SRPRB: variants seen among roughly 807,000 people sequenced by gnomAD.
SRPRB encodes the protein SRP receptor subunit beta, also known as signal recognition particle receptor subunit beta.
Under a neutral mutation model 31.9 loss-of-function variants are expected in SRPRB, and 20 were observed. The ratio of observed to expected loss-of-function variants is 0.63; its 90% CI spans 0.44 to 0.91. SRPRB has a LOEUF of 0.91. Ranked by LOEUF, SRPRB falls within the 40% of genes least tolerant of loss-of-function variation. The pLI is 0.00. For synonymous variants in SRPRB, 146 were observed against 132.8 expected, an observed-to-expected ratio of 1.10 and a Z score of -0.68; for missense variants, 321 against 324.9, an observed-to-expected ratio of 0.99 and a Z score of 0.09.
chr3:133,801,966 A>G (rs1935068675), upstream of SRPRB, among the ~76,000 whole-genome samples: 6 of 150,268 alleles, frequency 4.0e-5, no homozygotes, highest in Admixed American at 4.0e-4. Context: ...ATGTTAAAGC[A>G]TACGGTTAAG....
At chr3:133,805,218 T>C (rs746469435), upstream of SRPRB, among the ~76,000 whole-genome samples, 5 of 152,188 alleles carry the variant, frequency 3.3e-5, no homozygotes, top group Non-Finnish European at 7.4e-5. Context: ...CAGCCCTAGA[T>C]TGACAGTGTA....
chr3:133,807,701 GTGC>G, intron 2 of SRPRB, 42 bp from the exon 3 acceptor site: 1 of 1,253,540 alleles, frequency 8.0e-7, no homozygotes, highest in East Asian at 2.3e-5. Context: ...CAATTTAGGT[GTGC>G]TATTAAAATG....
In SRPRB at chr3:133,819,826, T is replaced by C. The variant is rs1234079429; in HGVS notation, c.*60T>C. The C allele has an allele frequency of 1.7e-5, 26 of 1,499,186 alleles. No homozygotes were observed. The highest frequency in any genetic ancestry group is 2.8e-5 in the African/African-American group (2 of 72,280). The allele number at this position is 1,499,186 out of a possible 1,614,324, so 92.9% of individuals were successfully genotyped here. The stretch of plus-strand genomic sequence containing the variant: ...ACACACAGTTTTGGAAAAAGGTCTG[T>C]GGTAGTCTGGAGTTGATGAGGAAGG... On this transcript the variant is annotated 3_prime_UTR_variant, in exon 7 of 7. Coordinates refer to ENST00000678299, the MANE Select transcript of SRPRB (RefSeq NM_001379313.1).
At chr3:133,812,694 C>A (rs79830202) in intron 4 of SRPRB, among the ~76,000 whole-genome samples, 7 of 152,182 alleles carry the variant, frequency 4.6e-5, no homozygotes, top group Non-Finnish European at 7.3e-5. Flanking sequence ...CCTCCCCCAT[C>A]TTTTAAACAT....
In SRPRB at chr3:133,815,671, T is replaced by C. The variant is rs1014940746; in HGVS notation, c.492T>C (p.Ile164=). 4 of 1,613,914 alleles carry C rather than the reference T, an allele frequency of 2.5e-6. No individual in the cohort carries two copies. Among genetic ancestry groups the C allele is most frequent in the Non-Finnish European group, 2.5e-6 (3 of 1,180,012 alleles). Residue 164 remains isoleucine, a synonymous_variant, in exon 5 of 7, where the codon ATT becomes ATC. Coordinates refer to ENST00000678299, the MANE Select transcript of SRPRB (RefSeq NM_001379313.1). ...CTGAGTTTCTGTATCAAGTCCTCAT[T>C]GACAGTATGGGTCTGAAGAATACAC... is the stretch of plus-strand genomic sequence containing the variant. ...DVAEFLYQVL[I]DSMGLKNTPS...
intron 1 of SRPRB, chr3:133,791,874 G>T (rs1576375419): frequency 6.6e-6 from 1 of 152,102 alleles, no homozygotes; most frequent in African/African-American, 2.4e-5. Flanking sequence ...TAATTAATTA[G>T]CTTAATAATA....
chr3:133,798,103 T>C (rs896752893), intron 1 of SRPRB, among the ~76,000 whole-genome samples: 1 of 152,202 alleles, frequency 6.6e-6, no homozygotes, highest in African/African-American at 2.4e-5. Flanking sequence ...GAGGAGACAA[T>C]GTATGATTAA....
intron 6 of SRPRB, among the ~76,000 whole-genome samples, chr3:133,817,515 A>G (rs992960965): frequency 4.6e-5 from 7 of 152,138 alleles, no homozygotes; most frequent in Non-Finnish European, 7.3e-5. Flanking sequence ...TGAGTGTTTC[A>G]AGGTTTGTAA....
chr3:133,807,022 C>A (rs1935175811), intron 2 of SRPRB, among the ~76,000 whole-genome samples: 1 of 152,076 alleles, frequency 6.6e-6, no homozygotes, highest in Non-Finnish European at 1.5e-5. Flanking sequence ...GTTTATAATT[C>A]CTTCGTTAAC....
chr3:133,811,260 C>T, intron 4 of SRPRB, 61 bp downstream of exon 4: 1 of 1,541,572 alleles, frequency 6.5e-7, no homozygotes. Flanking sequence ...CAAAGCCACT[C>T]ATGTGATTTG....
At chr3:133,786,668 G>A (rs138953435) in intron 1 of SRPRB, 56 of 152,310 alleles carry the variant, frequency 3.7e-4, no homozygotes, top group African/African-American at 1.3e-3. Context: ...AGATTCCCAG[G>A]AAAGACAGTC....
At position 133,786,209 on chromosome 3, in the gene SRPRB, T is replaced by C. The variant is rs924097182; in HGVS notation, c.-174+2065T>C. On this transcript the variant is annotated intron_variant, in intron 1 of 7. Transcript: ENST00000466490. ...GTGAGAAACACCCAAGAATTATCAA[T>C]AAAAAAATAAATTAAAAAAAAAAAA... is the stretch of plus-strand genomic sequence containing the variant. 3.4e-3 allele frequency: 32 copies of C among 9,364 alleles called. 5 individuals carry two copies. The highest frequency in any genetic ancestry group is 2.4e-4 in the Non-Finnish European group (1 of 4,134). The allele number at this position is 9,364 out of a possible 1,614,324, so 0.6% of individuals were successfully genotyped here. A position where few individuals can be genotyped will look rare whatever the true frequency, so the allele number is the denominator to read the frequency against.
Position 133,820,187 on chromosome 3 carries a change from C to G in SRPRB, c.*421C>G, listed in dbSNP as rs1935445815. 1 of 185,034 alleles carries G rather than the reference C, an allele frequency of 5.4e-6. No homozygotes were observed. Among genetic ancestry groups the G allele is most frequent in the African/African-American group, 2.4e-5 (1 of 42,404 alleles). 11.5% of individuals were successfully genotyped at this position (185,034 alleles called of 1,614,324 possible). On this transcript the variant is annotated 3_prime_UTR_variant, in exon 7 of 7. Coordinates refer to ENST00000678299, the MANE Select transcript of SRPRB (RefSeq NM_001379313.1). ...AGTTGATTTCCAGTTGCACTATTTCCAGTTGCCTCTGAAGTTCACAGGCAA... is the reference window on the plus strand; with the variant it reads ...AGTTGATTTCCAGTTGCACTATTTCGAGTTGCCTCTGAAGTTCACAGGCAA...
intron 1 of SRPRB, among the ~76,000 whole-genome samples, chr3:133,796,979 T>G (rs1934986402): frequency 1.3e-5 from 2 of 152,238 alleles, no homozygotes; most frequent in Non-Finnish European, 2.9e-5. Flanking sequence ...TATGACACAA[T>G]TGACTGTTGT....
In SRPRB at chr3:133,821,066, A is replaced by C. The variant is rs1203236607; in HGVS notation, c.*1300A>C. ...TGGCCTTGAGGATCAGGGGGAGTCA[A>C]AGGATAAAGCATGGGGCTGATGACG... is the stretch of plus-strand genomic sequence containing the variant. On this transcript the variant is annotated 3_prime_UTR_variant, in exon 7 of 7. Transcript: ENST00000678299. 2 of 152,414 alleles carry C rather than the reference A, an allele frequency of 1.3e-5. No homozygotes were observed. Among genetic ancestry groups the C allele is most frequent in the Non-Finnish European group, 2.9e-5 (2 of 68,230 alleles). 9.4% of individuals were successfully genotyped at this position (152,414 alleles called of 1,614,324 possible).
rs1190043110 is a variant in SRPRB at position 133,820,579 on chromosome 3, G to C, written c.*813G>C. 6.6e-6 allele frequency: 1 copy of C among 151,994 alleles called. No individual in the cohort carries two copies. Among genetic ancestry groups the C allele is most frequent in the Non-Finnish European group, 1.5e-5 (1 of 68,008 alleles). The allele number at this position is 151,994 out of a possible 1,614,324, so 9.4% of individuals were successfully genotyped here. On this transcript the variant is annotated 3_prime_UTR_variant, in exon 7 of 7. Coordinates refer to ENST00000678299, the MANE Select transcript of SRPRB (RefSeq NM_001379313.1). ...GAAGAGCTCCTATTTTGTACTCCTG[G>C]CTAGAATGCTGTGGAACAAATACAA...
At chr3:133,827,672 G>C, downstream of SRPRB, 1 of 557,456 alleles carries the variant, frequency 1.8e-6, no homozygotes, top group South Asian at 2.3e-5. Context: ...AGCTTTTCCA[G>C]AAAGCACTCA....
intron 1 of SRPRB, chr3:133,790,692 C>T (rs576445262): frequency 3.9e-5 from 6 of 152,132 alleles, no homozygotes; most frequent in Non-Finnish European, 5.9e-5. Flanking sequence ...AGCATGAAGC[C>T]GGATTTGGTG....
At chr3:133,823,574 G>GTAAT (rs1935508987), downstream of SRPRB, among the ~76,000 whole-genome samples, 3 of 152,190 alleles carry the variant, frequency 2.0e-5, no homozygotes, top group Admixed American at 1.3e-4. Flanking sequence ...AAAAGGAAAG[G>GTAAT]TAATTAGTGA....
Sources: gnomAD v4.1 joint callset for allele counts (sites outside exome capture counted in the v4.1 genomes callset) on GRCh38, gnomAD v4.1.1 for gene constraint, MANE v1.5 for transcripts, NCBI Gene and HGNC (gene_info 2026-07-23, HGNC 2026-07-21) for gene names.